The following PPM1L variants were observed in gnomAD, a reference collection of about 807,000 sequenced individuals.
The protein encoded by PPM1L is protein phosphatase, Mg2+/Mn2+ dependent 1L.
PPM1L carries 13 observed loss-of-function variants against 31.4 expected under a neutral mutation model. The observed-to-expected ratio is 0.41, with a 90% CI of 0.27 to 0.66. The LOEUF (loss-of-function observed/expected upper bound fraction) is 0.66. PPM1L is among the 30% of genes least tolerant of loss of function. PPM1L has a pLI of 0.29. For synonymous variants in PPM1L, 184 were observed against 175.4 expected (o/e 1.05, Z -0.39); for missense variants, 326 against 453.7 (o/e 0.72, Z 2.56).
chr3:160,782,839 C>G (rs1273852314), intron 1 of PPM1L, among the ~76,000 whole-genome samples: 4 of 152,154 alleles, frequency 2.6e-5, no homozygotes, highest in Non-Finnish European at 4.4e-5. Context: ...ATGCCTAATT[C>G]TATAACCTAC....
chr3:160,961,761 G>T lies in PPM1L; in HGVS notation c.425G>T (p.Arg142Leu), dbSNP rs376079062. The change falls in exon 2 of 4, where the codon CGA (arginine) becomes CTA (leucine). Residue 142 changes from arginine (R) to leucine (L), a missense_variant. Physicochemically the swap from Arg to Leu is moderately radical, Grantham distance 102 (BLOSUM62 -2). This residue lies in a region of PPM1L where 201 missense variants were observed against 298.2 expected (regional missense o/e 0.67). Coordinates refer to ENST00000498165, the MANE Select transcript of PPM1L (RefSeq NM_139245.4). ...ACTGCAGCTGAATATGTAAAATCTC[G>T]ACTCCCAGAGGCCCTTAAACAGCAT... is the stretch of plus-strand genomic sequence containing the variant. Reference protein sequence around the residue: ...GETAAEYVKSRLPEALKQHLQ... With the variant: ...GETAAEYVKSLLPEALKQHLQ... 6.3e-7 allele frequency: 1 copy of T among 1,580,880 alleles called. No individual in the cohort carries two copies. The highest frequency in any genetic ancestry group is 1.4e-5 in the African/African-American group (1 of 72,724).
At chr3:161,043,484 A>G (rs1274809989) in intron 2 of PPM1L, among the ~76,000 whole-genome samples, 3 of 152,180 alleles carry the variant, frequency 2.0e-5, no homozygotes, top group African/African-American at 7.2e-5. Flanking sequence ...TCACATGTGG[A>G]AAATATGAGC....
chr3:160,824,390 A>C (rs142968630), intron 1 of PPM1L, among the ~76,000 whole-genome samples: 1 of 152,140 alleles, frequency 6.6e-6, no homozygotes, highest in East Asian at 1.9e-4. Flanking sequence ...TAGCAGCCTG[A>C]ACTAAGTGTG....
chr3:160,923,745 A>G (rs1559889188), intron 1 of PPM1L, among the ~76,000 whole-genome samples: 1 of 152,226 alleles, frequency 6.6e-6, no homozygotes. Context: ...ATGCTACTGC[A>G]TTTGATATGC....
In PPM1L at chr3:160,851,226, T is replaced by C. The variant is rs187166223; in HGVS notation, c.399+94519T>C. 2.0e-4 allele frequency among the ~76,000 whole-genome samples: 31 copies of C among 152,308 alleles called. 1 individual carries two copies. In the East Asian group the frequency reaches 5.6e-3, roughly 27 times the overall value. On this transcript the variant is annotated intron_variant, in intron 1 of 3. Transcript: ENST00000498165. The stretch of plus-strand genomic sequence containing the variant: ...GAGGGGTAGCTCCTGTTGTCAGCGA[T>C]GATTAAAAATTAAAGGTAGTGTCTG...
chr3:160,980,719 AGAG>A (rs1716767508), intron 2 of PPM1L, among the ~76,000 whole-genome samples: 7 of 149,926 alleles, frequency 4.7e-5, no homozygotes, highest in Admixed American at 1.3e-4. Flanking sequence ...AAAAAAAGAG[AGAG>A]AGAGAGAGAA....
intron 1 of PPM1L, among the ~76,000 whole-genome samples, chr3:160,922,037 A>T (rs184160357): frequency 6.6e-6 from 1 of 152,166 alleles, no homozygotes; most frequent in Non-Finnish European, 1.5e-5. Context: ...ACGGCTGGGC[A>T]CGGTGGCTCA....
At chr3:160,913,029 A>C (rs1229256792) in intron 1 of PPM1L, among the ~76,000 whole-genome samples, 1 of 152,172 alleles carries the variant, frequency 6.6e-6, no homozygotes, top group Non-Finnish European at 1.5e-5. Context: ...AATATGAAAC[A>C]GGTTATCATG....
At chr3:160,773,057 T>C (rs1354828146) in intron 1 of PPM1L, among the ~76,000 whole-genome samples, 1 of 152,206 alleles carries the variant, frequency 6.6e-6, no homozygotes, top group African/African-American at 2.4e-5. Flanking sequence ...TTCTCTTGGG[T>C]AAATATCTAG....
intron 2 of PPM1L, among the ~76,000 whole-genome samples, chr3:161,003,365 A>G (rs1226512351): frequency 1.3e-4 from 19 of 151,810 alleles, no homozygotes; most frequent in Non-Finnish European, 2.4e-4. Context: ...GTTTTTTCCA[A>G]TTCTGTGAAG....
At chr3:160,918,541 A>G (rs1250507857) in intron 1 of PPM1L, among the ~76,000 whole-genome samples, 1 of 152,218 alleles carries the variant, frequency 6.6e-6, no homozygotes, top group Non-Finnish European at 1.5e-5. Flanking sequence ...TGAATCTGAA[A>G]AATGAAACTA....
chr3:160,836,879 A>G (rs113108661), intron 1 of PPM1L, among the ~76,000 whole-genome samples: 176 of 152,334 alleles, frequency 1.2e-3, no homozygotes, highest in Non-Finnish European at 2.0e-3. Context: ...CTAAAATCTT[A>G]ATGCAAAGTG....
chr3:160,819,687 G>A (rs993967982), intron 1 of PPM1L, among the ~76,000 whole-genome samples: 6 of 151,964 alleles, frequency 3.9e-5, no homozygotes, highest in African/African-American at 1.4e-4. Context: ...AGTTTTCACT[G>A]TGTAACATAC....
At chr3:160,863,971 C>T (rs1483048688) in intron 1 of PPM1L, among the ~76,000 whole-genome samples, 1 of 152,048 alleles carries the variant, frequency 6.6e-6, no homozygotes, top group African/African-American at 2.4e-5. Flanking sequence ...GATGAAGTAA[C>T]CCTGGGTAGG....
In PPM1L at chr3:160,920,125, A is replaced by G. The variant is rs557837230; in HGVS notation, c.400-41611A>G. On this transcript the variant is annotated intron_variant, in intron 1 of 3. Coordinates refer to ENST00000498165, the MANE Select transcript of PPM1L (RefSeq NM_139245.4). Reference sequence around the variant, plus strand: ...GGCACTTCACTCCTTGGGGGTGGGGAGCTCTCAAAAGTGTCTCTCCACAGC... The same window carrying G: ...GGCACTTCACTCCTTGGGGGTGGGGGGCTCTCAAAAGTGTCTCTCCACAGC... Among the ~76,000 whole-genome samples, 3 of 152,064 alleles carry G rather than the reference A, an allele frequency of 2.0e-5. No homozygotes were observed. In the East Asian group the frequency reaches 5.8e-4, roughly 29 times the overall value.
chr3:161,039,120 A>C (rs1718835370), intron 2 of PPM1L, among the ~76,000 whole-genome samples: 1 of 152,216 alleles, frequency 6.6e-6, no homozygotes, highest in Admixed American at 6.5e-5. Flanking sequence ...AATAACCATA[A>C]AAATGGACAA....
chr3:160,917,726 A>C (rs1714238284), intron 1 of PPM1L, among the ~76,000 whole-genome samples: 1 of 152,178 alleles, frequency 6.6e-6, no homozygotes, highest in East Asian at 1.9e-4. Context: ...ATATTTTAAA[A>C]AAAACATGAT....
At chr3:160,918,175 A>G (rs1453423256) in intron 1 of PPM1L, among the ~76,000 whole-genome samples, 1 of 152,184 alleles carries the variant, frequency 6.6e-6, no homozygotes, top group Non-Finnish European at 1.5e-5. Context: ...TATGGTGATT[A>G]CCTGTTTATT....
intron 1 of PPM1L, among the ~76,000 whole-genome samples, chr3:160,879,255 G>A (rs1712622279): frequency 1.3e-5 from 2 of 152,044 alleles, no homozygotes; most frequent in South Asian, 2.1e-4. Flanking sequence ...AGCATTTGGG[G>A]GAAATATTTT....
Sources: gnomAD v4.1 joint callset for allele counts (sites outside exome capture counted in the v4.1 genomes callset) on GRCh38, gnomAD v4.1.1 for gene constraint, gnomAD v4.1.1 regional missense constraint, MANE v1.5 for transcripts, NCBI Gene and HGNC (gene_info 2026-07-23, HGNC 2026-07-21) for gene names.